The following PCGF5 variants were observed in gnomAD, a reference collection of about 807,000 sequenced individuals.
PCGF5 encodes polycomb group ring finger 5.
PCGF5 carries 9 observed loss-of-function variants against 44.3 expected under a neutral mutation model. The ratio of observed to expected loss-of-function variants is 0.20; its 90% CI spans 0.12 to 0.35. PCGF5 has a LOEUF of 0.35. Ranked by LOEUF, PCGF5 falls within the 10% of genes least tolerant of loss-of-function variation. The probability of loss-of-function intolerance (pLI) is 1.00; values close to 1 mark genes in which losing one functional copy is unlikely to be tolerated. For synonymous variants in PCGF5, 95 were observed against 102.5 expected (o/e 0.93, Z 0.44); for missense variants, 146 against 305.3 (o/e 0.48, Z 3.89).
intron 1 of PCGF5, among the ~76,000 whole-genome samples, chr10:91,168,402 G>A (rs1167676254): frequency 6.6e-6 from 1 of 152,146 alleles, no homozygotes; most frequent in African/African-American, 2.4e-5. Context: ...TTGAAGACTG[G>A]GAAAAGGACA....
chr10:91,200,005 G>A (rs1013618006), intron 1 of PCGF5, among the ~76,000 whole-genome samples: 2 of 152,194 alleles, frequency 1.3e-5, no homozygotes, highest in African/African-American at 2.4e-5. Context: ...AGGAACTCTA[G>A]GAACTAGTCT....
chr10:91,269,473 A>T, intron 8 of PCGF5, among the ~76,000 whole-genome samples: 1 of 152,098 alleles, frequency 6.6e-6, no homozygotes, highest in Admixed American at 6.5e-5. Context: ...ATTAATAATA[A>T]CTCCTTTTGT....
Position 91,205,948 on chromosome 10 carries a change from G to A in PCGF5, c.-183-16741G>A, listed in dbSNP as rs1844339791. 3.9e-5 allele frequency among the ~76,000 whole-genome samples: 6 copies of A among 152,162 alleles called. No homozygotes were observed. The South Asian group carries it at 1.2e-3, about 32-fold the overall frequency. On this transcript the variant is annotated intron_variant, in intron 1 of 9. Coordinates refer to the PCGF5 transcript ENST00000614189. ...GAGGTGGGAGAATTGCTTGAACCCG[G>A]GAGGCACAGGTTTCAGTGAGCTGAG...
chr10:91,176,542 G>A (rs1376359850), intron 1 of PCGF5, among the ~76,000 whole-genome samples: 3 of 152,116 alleles, frequency 2.0e-5, no homozygotes, highest in Non-Finnish European at 4.4e-5. Flanking sequence ...TCACTTTCAG[G>A]TACACCAATC....
At chr10:91,188,204 C>T (rs1025282122) in intron 1 of PCGF5, among the ~76,000 whole-genome samples, 3 of 152,130 alleles carry the variant, frequency 2.0e-5, no homozygotes, top group Non-Finnish European at 2.9e-5. Flanking sequence ...AGACAGTGGG[C>T]GCAGGACAGT....
At chr10:91,172,193 G>T (rs1036747679) in intron 1 of PCGF5, among the ~76,000 whole-genome samples, 6 of 151,962 alleles carry the variant, frequency 3.9e-5, no homozygotes, top group Admixed American at 3.9e-4. Flanking sequence ...GGGAGGAGGA[G>T]GTGGGCAGAT....
chr10:91,246,734 C>T (rs1193524096), intron 3 of PCGF5, among the ~76,000 whole-genome samples: 1 of 151,816 alleles, frequency 6.6e-6, no homozygotes, highest in Admixed American at 6.6e-5. Flanking sequence ...AGATCATTCT[C>T]ATATTTTGAG....
At position 91,248,522 on chromosome 10, in the gene PCGF5, A is replaced by C. The variant is rs1263252851; in HGVS notation, c.227A>C (p.Glu76Ala). 1 of 1,612,974 alleles carries C rather than the reference A, an allele frequency of 6.2e-7. No homozygotes were observed. Among genetic ancestry groups the C allele is most frequent in the Non-Finnish European group, 8.5e-7 (1 of 1,179,206 alleles). The change falls in exon 4 of 10, where the codon GAG (glutamate) becomes GCG (alanine). Residue 76 changes from glutamate to alanine, a missense_variant. Physicochemically the swap from Glu to Ala is moderately radical, Grantham distance 107. This residue lies in a region of PCGF5 where 123 missense variants were observed against 268.6 expected (regional missense o/e 0.46). Coordinates refer to ENST00000336126, the MANE Select transcript of PCGF5 (RefSeq NM_032373.5). ...TTTCGAAGGTTGGACAATACATTAGAGGAAATTATATTTAAGCTGGTCCCT... is the reference window on the plus strand; with the variant it reads ...TTTCGAAGGTTGGACAATACATTAGCGGAAATTATATTTAAGCTGGTCCCT... ...LEMLRLDNTLEEIIFKLVPGL... is the reference protein window; with the variant it reads ...LEMLRLDNTLAEIIFKLVPGL...
upstream of PCGF5, among the ~76,000 whole-genome samples, chr10:91,161,969 G>C (rs1390637908): frequency 6.6e-6 from 1 of 151,968 alleles, no homozygotes; most frequent in Non-Finnish European, 1.5e-5. Context: ...CAGCCACAAG[G>C]GGGGATTCTG....
At position 91,271,674 on chromosome 10, in the gene PCGF5, T is replaced by C; in HGVS notation, c.700T>C (p.Ser234Pro). 6.2e-7 allele frequency: 1 copy of C among 1,613,964 alleles called. No homozygotes were observed. The highest frequency in any genetic ancestry group is 8.5e-7 in the Non-Finnish European group (1 of 1,179,874). Reference protein sequence around the residue: ...CLNCSASQVCSQDGPLYQSYP... With the variant: ...CLNCSASQVCPQDGPLYQSYP... ...GAACTGCTCAGCTTCGCAAGTCTGC[T>C]CTCAGGATGGCCCTTTGTATCAGGT... The change falls in exon 9 of 10, where the codon TCT becomes CCT. Residue 234 changes from serine (S) to proline (P), a missense_variant. Coordinates refer to ENST00000336126, the MANE Select transcript of PCGF5 (RefSeq NM_032373.5).
intron 2 of PCGF5, among the ~76,000 whole-genome samples, chr10:91,229,992 TAAGA>T (rs1564641505): frequency 2.0e-5 from 3 of 152,176 alleles, no homozygotes; most frequent in African/African-American, 7.2e-5. Context: ...TTTTTTTAAA[TAAGA>T]AAGAATAATT....
At chr10:91,186,313 A>G (rs1282324275) in intron 1 of PCGF5, among the ~76,000 whole-genome samples, 3 of 152,188 alleles carry the variant, frequency 2.0e-5, no homozygotes, top group Non-Finnish European at 4.4e-5. Context: ...AACTGGGATC[A>G]CCAGCAGTTT....
At chr10:91,266,230 G>A (rs1019396845) in intron 8 of PCGF5, among the ~76,000 whole-genome samples, 4 of 152,088 alleles carry the variant, frequency 2.6e-5, no homozygotes, top group African/African-American at 9.7e-5. Flanking sequence ...TGAAATCATC[G>A]TGATGAATAG....
chr10:91,238,173 A>G lies in PCGF5; in HGVS notation c.113-2311A>G, dbSNP rs192946889. On this transcript the variant is annotated intron_variant, in intron 2 of 9. Transcript: ENST00000336126. ...TTACATCTGAACTTAAACTAGCCAC[A>G]TTTCAAATGCTTAGTAGCCACATGT... Among the ~76,000 whole-genome samples, 1,418 of 152,328 alleles carry G rather than the reference A, an allele frequency of 9.3e-3. 14 individuals carry two copies. The highest frequency in any genetic ancestry group is 0.02 in the Middle Eastern group (6 of 294).
intron 8 of PCGF5, among the ~76,000 whole-genome samples, 192 bp from the exon 9 acceptor site, chr10:91,271,446 A>G (rs35222869): frequency 6.6e-6 from 1 of 152,194 alleles, no homozygotes; most frequent in Non-Finnish European, 1.5e-5. Flanking sequence ...AATTACTTCA[A>G]GCTAAATTTT....
intron 2 of PCGF5, among the ~76,000 whole-genome samples, chr10:91,238,970 G>A (rs1327904230): frequency 6.6e-6 from 1 of 152,050 alleles, no homozygotes; most frequent in Non-Finnish European, 1.5e-5. Flanking sequence ...ATAGCTGTGT[G>A]TAATGGTGAA....
At chr10:91,263,023 A>G (rs983517193) in intron 7 of PCGF5, among the ~76,000 whole-genome samples, 2 of 152,202 alleles carry the variant, frequency 1.3e-5, no homozygotes, top group African/African-American at 4.8e-5. Flanking sequence ...ATAAACAAAG[A>G]TGGAAGGGGG....
chr10:91,210,498 G>A (rs1844430127), intron 1 of PCGF5, among the ~76,000 whole-genome samples: 1 of 152,188 alleles, frequency 6.6e-6, no homozygotes. Flanking sequence ...TGTCAAACTG[G>A]ATAACTGGCT....
At chr10:91,217,900 C>T (rs1304837542), upstream of PCGF5, among the ~76,000 whole-genome samples, 1 of 152,222 alleles carries the variant, frequency 6.6e-6, no homozygotes, top group African/African-American at 2.4e-5. Context: ...GATTCTCCTG[C>T]CTCAGCCTCC....
Sources: allele counts gnomAD v4.1 joint callset (sites outside exome capture counted in the v4.1 genomes callset), GRCh38; gene constraint gnomAD v4.1.1; regional missense constraint gnomAD v4.1.1; transcripts MANE v1.5; gene names NCBI Gene and HGNC (gene_info 2026-07-23, HGNC 2026-07-21).